The following PRDM11 variants were observed in gnomAD, a reference collection of about 807,000 sequenced individuals.
The protein encoded by PRDM11 is PR domain-containing protein 11.
PRDM11 carries 20 observed loss-of-function variants against 97.8 expected under a neutral mutation model. The observed-to-expected ratio is 0.20, with a 90% CI of 0.14 to 0.30. The LOEUF is 0.30. PRDM11 is among the 10% of genes least tolerant of loss of function. The pLI, the probability that PRDM11 is intolerant of heterozygous loss-of-function variation, is 1.00. For missense variants in PRDM11, 1,139 were observed against 1,555.2 expected (o/e 0.73, Z 4.50); for synonymous variants, 599 against 637.7 (o/e 0.94, Z 0.91).
Position 45,227,133 on chromosome 11 carries a change from C to G in PRDM11, c.2508C>G (p.Asn836Lys). ...TCATCGGCGAGCAGAACGTCCTCAA[C>G]GCTCTCATCAAGGACTACCTGGAGG... ...RWIIGEQNVLNALIKDYLEVV... is the reference protein window; with the variant it reads ...RWIIGEQNVLKALIKDYLEVV... Residue 836 changes from asparagine to lysine, a missense_variant, in exon 8 of 8, where the codon AAC becomes AAG. Transcript: ENST00000683152. This position sits in a 1 kb window ranked among gnomAD's most constrained non-coding sequence, Gnocchi z 8.0. The G allele has an allele frequency of 6.5e-7, 1 of 1,533,970 alleles. No homozygotes were observed. The highest frequency in any genetic ancestry group is 8.7e-7 in the Non-Finnish European group (1 of 1,146,736).
At chr11:45,213,431 A>G (rs920127552) in intron 5 of PRDM11, 4 of 448,234 alleles carry the variant, frequency 8.9e-6, no homozygotes, top group Non-Finnish European at 1.8e-5. Flanking sequence ...GTGACCTCCC[A>G]GGCCCTGATG....
At position 45,214,032 on chromosome 11, in the gene PRDM11, G is replaced by A. The variant is rs866844107; in HGVS notation, c.555-5538G>A. 1.4e-5 allele frequency: 4 copies of A among 290,134 alleles called. No individual in the cohort carries two copies. The Middle Eastern group carries it at 3.9e-3, about 284-fold the overall frequency. 18.0% of individuals were successfully genotyped at this position (290,134 alleles called of 1,614,324 possible). A position where few individuals can be genotyped will look rare whatever the true frequency, so the allele number is the denominator to read the frequency against. On this transcript the variant is annotated intron_variant, in intron 5 of 7. Coordinates refer to ENST00000683152, the MANE Select transcript of PRDM11 (RefSeq NM_001384648.1). ...TCTCCCACCCTGCCCTGGCTCTATGGCTCATAGCCAGTGGCTTGGAGAGGC... is the reference window on the plus strand; with the variant it reads ...TCTCCCACCCTGCCCTGGCTCTATGACTCATAGCCAGTGGCTTGGAGAGGC...
At chr11:45,156,239 CCT>C (rs1851791199) in intron 1 of PRDM11, among the ~76,000 whole-genome samples, 1 of 152,210 alleles carries the variant, frequency 6.6e-6, no homozygotes, top group Non-Finnish European at 1.5e-5. Context: ...GGCAGGTCAC[CCT>C]CTCTGTGCCT....
intron 1 of PRDM11, among the ~76,000 whole-genome samples, chr11:45,113,227 G>A (rs938028849): frequency 5.9e-5 from 9 of 152,076 alleles, no homozygotes; most frequent in Admixed American, 3.3e-4. Flanking sequence ...CCCAGTTTAC[G>A]TTTTTGTATG....
chr11:45,218,664 C>T (rs1165073250), intron 5 of PRDM11, among the ~76,000 whole-genome samples: 2 of 152,250 alleles, frequency 1.3e-5, no homozygotes, highest in African/African-American at 4.8e-5. Context: ...GATCTGTACA[C>T]CTTCACTCCT....
rs1274808272 is a variant in PRDM11 at position 45,233,502 on chromosome 11, C to T, written c.*5343C>T. The T allele has an allele frequency of 6.6e-6, 1 of 152,220 alleles. No homozygotes were observed. The highest frequency in any genetic ancestry group is 6.5e-5 in the Admixed American group (1 of 15,274). 9.4% of individuals were successfully genotyped at this position (152,220 alleles called of 1,614,324 possible). On this transcript the variant is annotated 3_prime_UTR_variant, in exon 8 of 8. Transcript: ENST00000683152. ...GACTCCTGGTGGAGGGACCACTGCA[C>T]AAACTCCTTCAAAACCCTCCCGCAC...
chr11:45,169,873 C>A (rs897417248), intron 1 of PRDM11, among the ~76,000 whole-genome samples: 6 of 152,178 alleles, frequency 3.9e-5, no homozygotes, highest in Admixed American at 3.3e-4. Flanking sequence ...AATGAGTAAT[C>A]CATTCGATAA....
chr11:45,119,520 C>T (rs1311871599), intron 1 of PRDM11, among the ~76,000 whole-genome samples: 1 of 147,442 alleles, frequency 6.8e-6, no homozygotes, highest in East Asian at 2.1e-4. Flanking sequence ...GTCCCAGCTA[C>T]GCGGGAGGCT....
At chr11:45,194,597 T>G (rs1565311638) in intron 4 of PRDM11, among the ~76,000 whole-genome samples, 1 of 87,668 alleles carries the variant, frequency 1.1e-5, no homozygotes, top group Non-Finnish European at 2.4e-5. Context: ...CTTCTGTTTT[T>G]TTTTTTTTTT....
At chr11:45,214,386 C>T (rs1853893494) in intron 5 of PRDM11, 1 of 142,438 alleles carries the variant, frequency 7.0e-6, no homozygotes, top group South Asian at 2.5e-4. Context: ...CTCCACCCAA[C>T]AACCCCCCAC....
chr11:45,210,332 A>G (rs959201499), intron 5 of PRDM11, among the ~76,000 whole-genome samples: 1 of 151,582 alleles, frequency 6.6e-6, no homozygotes, highest in African/African-American at 2.4e-5. Context: ...TCTCACATGC[A>G]CTTTGAAGCC....
intron 1 of PRDM11, among the ~76,000 whole-genome samples, chr11:45,108,495 C>A (rs1178025069): frequency 6.6e-6 from 1 of 152,236 alleles, no homozygotes; most frequent in Non-Finnish European, 1.5e-5. Context: ...AGCAGCCAGG[C>A]ACTGCCTCCT....
At position 45,146,892 on chromosome 11, in the gene PRDM11, G is replaced by A. The variant is rs1272038081; in HGVS notation, c.-7+15G>A. The A allele has an allele frequency of 6.8e-6, 1 of 146,288 alleles. No individual in the cohort carries two copies. The highest frequency in any genetic ancestry group is 1.5e-5 in the Non-Finnish European group (1 of 65,688). 9.1% of individuals were successfully genotyped at this position (146,288 alleles called of 1,614,324 possible). ...TTCCCGGGAAGGTGAGTCAGCCCCG[G>A]TAGCCAATGTGGCCATTGAAAATGG... On this transcript the variant is annotated intron_variant, in intron 1 of 7. Coordinates refer to ENST00000683152, the MANE Select transcript of PRDM11 (RefSeq NM_001384648.1).
At chr11:45,213,614 C>T (rs1050387824) in intron 5 of PRDM11, 4 of 456,336 alleles carry the variant, frequency 8.8e-6, no homozygotes, top group Admixed American at 2.4e-5. Context: ...AATGGGATGA[C>T]GTCGGAGGAA....
intron 1 of PRDM11, among the ~76,000 whole-genome samples, chr11:45,103,613 G>T (rs2135596504): frequency 6.6e-6 from 1 of 151,948 alleles, no homozygotes; most frequent in South Asian, 2.1e-4. Flanking sequence ...GGGGGCCTTT[G>T]AGGGTGTCAG....
intron 4 of PRDM11, among the ~76,000 whole-genome samples, chr11:45,198,507 T>A (rs1853212401): frequency 6.6e-6 from 1 of 152,248 alleles, no homozygotes; most frequent in Non-Finnish European, 1.5e-5. Flanking sequence ...AGGATTGAAT[T>A]ATGAATGCTT....
At position 45,228,868 on chromosome 11, in the gene PRDM11, G is replaced by T. The variant is rs2135863355; in HGVS notation, c.*709G>T. On this transcript the variant is annotated 3_prime_UTR_variant, in exon 8 of 8. Transcript: ENST00000683152. Reference sequence around the variant, plus strand: ...ACCTCTGTTGCCTCGTCCATCCCTGGGTTGTGGATCCCTTCCTTCCAGCCC... The same window carrying T: ...ACCTCTGTTGCCTCGTCCATCCCTGTGTTGTGGATCCCTTCCTTCCAGCCC... 6.6e-6 allele frequency: 1 copy of T among 152,142 alleles called. No individual in the cohort carries two copies. The highest frequency in any genetic ancestry group is 2.4e-5 in the African/African-American group (1 of 41,380). 9.4% of individuals were successfully genotyped at this position (152,142 alleles called of 1,614,324 possible).
intron 1 of PRDM11, among the ~76,000 whole-genome samples, chr11:45,150,386 C>T (rs1039094116): frequency 3.3e-5 from 5 of 152,166 alleles, no homozygotes; most frequent in Non-Finnish European, 7.3e-5. Flanking sequence ...CAGACTCTAC[C>T]AGGGTTGCTT....
chr11:45,104,075 C>T (rs1032087573), intron 1 of PRDM11, among the ~76,000 whole-genome samples: 5 of 152,196 alleles, frequency 3.3e-5, no homozygotes, highest in Admixed American at 2.6e-4. Flanking sequence ...TAGACTTTTT[C>T]GCCTGGGCAT....
Sources: gnomAD v4.1 joint callset for allele counts (sites outside exome capture counted in the v4.1 genomes callset) on GRCh38, gnomAD v4.1.1 for gene constraint, Gnocchi (gnomAD v3.1) non-coding constraint, MANE v1.5 for transcripts, NCBI Gene and HGNC (gene_info 2026-07-23, HGNC 2026-07-21) for gene names.